The following NPAS2 variants were observed in gnomAD, a reference collection of about 807,000 sequenced individuals.
The protein encoded by NPAS2 is neuronal PAS domain protein 2, also known as neuronal PAS domain-containing protein 2.
Under a neutral mutation model 107.5 loss-of-function variants are expected in NPAS2, and 23 were observed. That is an observed-to-expected ratio of 0.21 (90% CI 0.15 to 0.30). NPAS2 has a LOEUF of 0.30. NPAS2 is among the 10% of genes least tolerant of loss of function. The pLI is 1.00. For synonymous variants in NPAS2, 403 were observed against 417.5 expected (o/e 0.97, Z 0.42); for missense variants, 756 against 1,043.3 (o/e 0.72, Z 3.79).
intron 7 of NPAS2, among the ~76,000 whole-genome samples, chr2:100,960,231 C>T (rs1675838008): frequency 1.3e-5 from 2 of 151,994 alleles, no homozygotes; most frequent in South Asian, 2.1e-4. Flanking sequence ...AGTTTCAGGA[C>T]GTGATAACCT....
intron 2 of NPAS2, among the ~76,000 whole-genome samples, chr2:100,915,832 T>C (rs1175468713): frequency 1.3e-5 from 2 of 151,760 alleles, no homozygotes; most frequent in Admixed American, 1.3e-4. Context: ...GATAGAAACT[T>C]GGAATAGGAA....
intron 8 of NPAS2, among the ~76,000 whole-genome samples, chr2:100,964,553 T>C (rs1425865045): frequency 6.6e-6 from 1 of 152,234 alleles, no homozygotes; most frequent in Non-Finnish European, 1.5e-5. Flanking sequence ...ATGGCATGAA[T>C]GTTGAGTTAA....
At chr2:100,865,602 T>C (rs182879725) in intron 1 of NPAS2, among the ~76,000 whole-genome samples, 5 of 152,286 alleles carry the variant, frequency 3.3e-5, no homozygotes, top group African/African-American at 1.2e-4. Context: ...GGTAAGCTCT[T>C]AAACACTCAG....
chr2:100,989,489 G>A (rs1677984905), intron 17 of NPAS2: 1 of 152,180 alleles, frequency 6.6e-6, no homozygotes, highest in Non-Finnish European at 1.5e-5. Context: ...AGAAAACTGA[G>A]GAAGGATTTA....
rs146882447 is a variant in NPAS2 at position 100,837,265 on chromosome 2, T to A, written c.-23+16851T>A. On this transcript the variant is annotated intron_variant, in intron 1 of 20. Coordinates refer to ENST00000335681, the MANE Select transcript of NPAS2 (RefSeq NM_002518.4). ...TTGTAAAAGGCCGTATTGATCCTAATATCTTATTCTCTTTCTTATACCTAA... is the reference window on the plus strand; with the variant it reads ...TTGTAAAAGGCCGTATTGATCCTAAAATCTTATTCTCTTTCTTATACCTAA... Among the ~76,000 whole-genome samples, 254 of 152,306 alleles carry A rather than the reference T, an allele frequency of 1.7e-3. 6 individuals carry two copies. In the East Asian group the frequency reaches 0.032, roughly 19 times the overall value.
intron 7 of NPAS2, among the ~76,000 whole-genome samples, chr2:100,955,919 T>TTTG (rs1558908619): frequency 4.1e-4 from 63 of 151,868 alleles, no homozygotes; most frequent in African/African-American, 1.5e-3. Flanking sequence ...TTGTTTGTTT[T>TTTG]TTTGAGACAG....
At chr2:100,830,695 C>A (rs890182134) in intron 1 of NPAS2, among the ~76,000 whole-genome samples, 1 of 152,166 alleles carries the variant, frequency 6.6e-6, no homozygotes, top group African/African-American at 2.4e-5. Flanking sequence ...CACAAATAGT[C>A]CCCGTCAGTA....
At chr2:100,979,421 TTC>T (rs1677261567) in intron 15 of NPAS2, among the ~76,000 whole-genome samples, 1 of 149,848 alleles carries the variant, frequency 6.7e-6, no homozygotes, top group African/African-American at 2.4e-5. Flanking sequence ...TCTTTTGGAA[TTC>T]TGATTTTTCA....
chr2:100,974,057 G>A (rs1259923283), intron 12 of NPAS2, among the ~76,000 whole-genome samples: 1 of 152,110 alleles, frequency 6.6e-6, no homozygotes, highest in Admixed American at 6.5e-5. Flanking sequence ...GGCCAGGCTG[G>A]TCTCGAACTC....
intron 1 of NPAS2, among the ~76,000 whole-genome samples, chr2:100,877,434 A>G (rs1299684330): frequency 8.5e-6 from 1 of 117,268 alleles, no homozygotes; most frequent in African/African-American, 4.2e-5. Flanking sequence ...CACTAGAGTG[A>G]GACTCCGTCT....
intron 1 of NPAS2, among the ~76,000 whole-genome samples, chr2:100,854,158 CAAAAAAAAAA>C (rs70943046): frequency 1.7e-5 from 1 of 59,600 alleles, no homozygotes; most frequent in Non-Finnish European, 3.0e-5. Flanking sequence ...CCTGCCTCAA[CAAAAAAAAAA>C]AAAAAAAAAA....
In NPAS2 at chr2:100,976,102, G is replaced by GCAACCA. The variant is rs1488700712; in HGVS notation, c.1392+538_1392+543dup. On this transcript the variant is annotated intron_variant, in intron 14 of 20. Transcript: ENST00000335681. This position sits in a 1 kb window ranked among gnomAD's most constrained non-coding sequence, Gnocchi z 4.1. ...ACTACACCTAACTTAGTGGCCTAAA[G>GCAACCA]CAACCACATGTATGAAGTTCATGGA... 6.6e-6 allele frequency among the ~76,000 whole-genome samples: 1 copy of GCAACCA among 152,062 alleles called. No homozygotes were observed. The highest frequency in any genetic ancestry group is 1.5e-5 in the Non-Finnish European group (1 of 68,040).
chr2:100,926,012 G>T (rs905074299), intron 3 of NPAS2, among the ~76,000 whole-genome samples: 1 of 152,086 alleles, frequency 6.6e-6, no homozygotes, highest in Non-Finnish European at 1.5e-5. Flanking sequence ...CCCTATTCTA[G>T]GCATTTTATA....
At chr2:100,922,654 G>A (rs550128007) in intron 2 of NPAS2, among the ~76,000 whole-genome samples, 2 of 152,306 alleles carry the variant, frequency 1.3e-5, no homozygotes, top group Non-Finnish European at 2.9e-5. Context: ...CCCAGTGTCT[G>A]TGTGTGGTGG....
chr2:100,871,246 A>G (rs1679564132), intron 1 of NPAS2, among the ~76,000 whole-genome samples: 1 of 151,724 alleles, frequency 6.6e-6, no homozygotes, highest in Non-Finnish European at 1.5e-5. Context: ...AATATTTACC[A>G]TATCTCACTT....
intron 19 of NPAS2, among the ~76,000 whole-genome samples, chr2:100,991,825 C>T (rs1051741931): frequency 1.3e-5 from 2 of 152,194 alleles, no homozygotes; most frequent in African/African-American, 4.8e-5. Flanking sequence ...CCACACAGTG[C>T]AGATGGTGGG....
intron 7 of NPAS2, among the ~76,000 whole-genome samples, chr2:100,957,633 G>T (rs550731997): frequency 1.2e-3 from 179 of 152,230 alleles, no homozygotes; most frequent in Non-Finnish European, 2.2e-3. Context: ...TCAAAGGCAT[G>T]GGGAAAGGTC....
intron 1 of NPAS2, among the ~76,000 whole-genome samples, chr2:100,833,119 C>A (rs1013866519): frequency 2.0e-5 from 3 of 152,100 alleles, no homozygotes; most frequent in Admixed American, 2.0e-4. Context: ...TTTTAAATCA[C>A]AGTGTGTGAG....
At chr2:100,992,874 G>A (rs1249711766) in intron 19 of NPAS2, among the ~76,000 whole-genome samples, 1 of 149,326 alleles carries the variant, frequency 6.7e-6, no homozygotes, top group Non-Finnish European at 1.5e-5. Flanking sequence ...TACTCTGTGG[G>A]CTGCCTTTTC....
Sources: allele counts gnomAD v4.1 joint callset (sites outside exome capture counted in the v4.1 genomes callset), GRCh38; gene constraint gnomAD v4.1.1; non-coding constraint Gnocchi (gnomAD v3.1); transcripts MANE v1.5; gene names NCBI Gene and HGNC (gene_info 2026-07-23, HGNC 2026-07-21).